The following MYO7B variants were observed in gnomAD, a reference collection of about 807,000 sequenced individuals.
MYO7B encodes myosin VIIB, also known as unconventional myosin-VIIb.
MYO7B carries 212 observed loss-of-function variants against 259.7 expected under a neutral mutation model. That is an observed-to-expected ratio of 0.82 (90% CI 0.73 to 0.91). The LOEUF (loss-of-function observed/expected upper bound fraction) is 0.91, where lower values mean the gene tolerates loss of function less well. Ranked by LOEUF, MYO7B falls within the 40% of genes least tolerant of loss-of-function variation. The pLI is 0.00. For synonymous variants in MYO7B, 1,197 were observed against 1,166.4 expected (o/e 1.03, Z -0.54); for missense variants, 2,732 against 2,813.5 (o/e 0.97, Z 0.66).
intron 1 of MYO7B, among the ~76,000 whole-genome samples, chr2:127,544,709 T>C (rs948368942): frequency 4.6e-5 from 7 of 151,636 alleles, no homozygotes; most frequent in African/African-American, 1.7e-4. Flanking sequence ...GCCTCCCGAG[T>C]AGCTGGGACT....
Position 127,559,594 on chromosome 2 carries a change from C to T in MYO7B, c.-23-106C>T, listed in dbSNP as rs1452501482. The T allele has an allele frequency of 7.0e-6, 7 of 1,006,178 alleles. No homozygotes were observed. Among genetic ancestry groups the T allele is most frequent in the African/African-American group, 1.6e-5 (1 of 62,628 alleles). 62.3% of individuals were successfully genotyped at this position (1,006,178 alleles called of 1,614,324 possible). A position where few individuals can be genotyped will look rare whatever the true frequency, so the allele number is the denominator to read the frequency against. On this transcript the variant is annotated intron_variant, in intron 1 of 47. Transcript: ENST00000409816. This position sits in a 1 kb window ranked among gnomAD's most constrained non-coding sequence, Gnocchi z 4.1. ...CATTGTTTTTGAGCCAGGTCCCATG[C>T]CGGGCACTTAGGGAAGTGTTGGTGA... is the stretch of plus-strand genomic sequence containing the variant.
intron 2 of MYO7B, 145 bp from the exon 3 acceptor site, chr2:127,564,008 G>A (rs1558801396): frequency 1.7e-6 from 1 of 579,112 alleles, no homozygotes; most frequent in Non-Finnish European, 3.1e-6. Context: ...AGAGATGGGA[G>A]AGGGGAGGAG....
chr2:127,636,488 G>A lies in MYO7B; in HGVS notation c.6124-57G>A, dbSNP rs1230017507. On this transcript the variant is annotated intron_variant, in intron 45 of 47. Transcript: ENST00000409816. The surrounding 1 kb of genome is among the most constrained non-coding windows in gnomAD (Gnocchi z 4.5). ...TGCGTGTGGCCTAGATGAGCTCCTG[G>A]GAGGTGCAGCCTGGCCTCCCGGGCT... 3 of 1,540,334 alleles carry A rather than the reference G, an allele frequency of 1.9e-6. No individual in the cohort carries two copies. The highest frequency in any genetic ancestry group is 2.7e-6 in the Non-Finnish European group (3 of 1,128,068).
rs1176061210 is a variant in MYO7B, at chr2:127,626,907, T to C, written c.4216-68T>C. On this transcript the variant is annotated intron_variant, in intron 31 of 47. Transcript: ENST00000409816. The stretch of plus-strand genomic sequence containing the variant: ...GAAGGATCCATCAACTCTTTTACCC[T>C]GAGCACTAGGTGAGGGATTCACTAG... The C allele has an allele frequency of 2.9e-6, 4 of 1,393,040 alleles. No homozygotes were observed. The African/African-American group carries it at 5.7e-5, about 20-fold the overall frequency. The allele number at this position is 1,393,040 out of a possible 1,614,324, so 86.3% of individuals were successfully genotyped here. A position where few individuals can be genotyped will look rare whatever the true frequency, so the allele number is the denominator to read the frequency against.
chr2:127,592,886 C>T lies in MYO7B; in HGVS notation c.2085C>T (p.Tyr695=). 3 of 1,609,440 alleles carry T rather than the reference C, an allele frequency of 1.9e-6. No individual in the cohort carries two copies. Among genetic ancestry groups the T allele is most frequent in the Middle Eastern group, 1.7e-4 (1 of 6,060 alleles). ...GCAAGTCGGGCTTCCCCATCCGCTA[C>T]ACGTTCGAGGAGTTCTCGCAGAGGT... ...HIRKSGFPIR[Y]TFEEFSQRFG... Residue 695 remains tyrosine (Y), a synonymous_variant, in exon 17 of 48, where the codon TAC becomes TAT. Coordinates refer to ENST00000409816, the MANE Select transcript of MYO7B (RefSeq NM_001393586.1).
At chr2:127,556,226 C>T (rs908510329) in intron 1 of MYO7B, among the ~76,000 whole-genome samples, 13 of 152,152 alleles carry the variant, frequency 8.5e-5, no homozygotes, top group Admixed American at 2.6e-4. Flanking sequence ...CTCCTACTCA[C>T]GTTTGGTGTC....
At position 127,636,017 on chromosome 2, in the gene MYO7B, G is replaced by A. The variant is rs1482571887; in HGVS notation, c.6006+110G>A. On this transcript the variant is annotated intron_variant, in intron 44 of 47. Transcript: ENST00000409816. The surrounding 1 kb of genome is among the most constrained non-coding windows in gnomAD (Gnocchi z 4.5). ...AAGATCACATGGGTGCACATGGGTG[G>A]TGTGGAGGGTGGGCTGGCTCTGCAC... 3 of 1,364,408 alleles carry A rather than the reference G, an allele frequency of 2.2e-6. No individual in the cohort carries two copies. The highest frequency in any genetic ancestry group is 2.5e-5 in the East Asian group (1 of 39,832). 84.5% of individuals were successfully genotyped at this position (1,364,408 alleles called of 1,614,324 possible).
At position 127,636,178 on chromosome 2, in the gene MYO7B, C is replaced by G. The variant is rs910544542; in HGVS notation, c.6007-30C>G. 1.9e-6 allele frequency: 3 copies of G among 1,576,212 alleles called. No homozygotes were observed. The highest frequency in any genetic ancestry group is 2.6e-6 in the Non-Finnish European group (3 of 1,148,622). ...GGGCTTTGGAGGGCCTCTGGGCACC[C>G]AAGTCCTTACTGGCCCTCCTGTCCC... On this transcript the variant is annotated intron_variant, in intron 44 of 47. Coordinates refer to ENST00000409816, the MANE Select transcript of MYO7B (RefSeq NM_001393586.1). This position sits in a 1 kb window ranked among gnomAD's most constrained non-coding sequence, Gnocchi z 4.5.
At chr2:127,537,537 A>G (rs1484654571) in intron 1 of MYO7B, among the ~76,000 whole-genome samples, 1 of 152,208 alleles carries the variant, frequency 6.6e-6, no homozygotes, top group Non-Finnish European at 1.5e-5. Context: ...GAAGAGATGA[A>G]GAAGGGTAAA....
chr2:127,631,868 TG>T (rs778582361), intron 38 of MYO7B, 115 bp downstream of exon 38: 214 of 1,341,648 alleles, frequency 1.6e-4, no homozygotes, highest in Non-Finnish European at 1.9e-4. Context: ...AACCCCTGCC[TG>T]GGCTCCTGCC....
At chr2:127,625,611 G>C in intron 31 of MYO7B, 76 bp downstream of exon 31, 1 of 1,394,194 alleles carries the variant, frequency 7.2e-7, no homozygotes, top group Non-Finnish European at 9.4e-7. Context: ...GTATACAGAG[G>C]AGATGGATTC....
Position 127,620,371 on chromosome 2 carries a change from C to G in MYO7B, c.3430C>G (p.Leu1144Val), listed in dbSNP as rs1680784593. The G allele has an allele frequency of 1.2e-6, 2 of 1,612,736 alleles. No homozygotes were observed. The highest frequency in any genetic ancestry group is 1.3e-5 in the African/African-American group (1 of 74,914). Residue 1144 changes from leucine (L) to valine (V), a missense_variant, in exon 27 of 48, where the codon CTC becomes GTC. By Grantham distance (32) the Leu-to-Val change is conservative (BLOSUM62 1). Coordinates refer to ENST00000409816, the MANE Select transcript of MYO7B (RefSeq NM_001393586.1). ...GATTTACTGCCAGATCTGCAAGCAGCTCTCGGAGAACTTCAAAACAAGCAG... is the reference window on the plus strand; with the variant it reads ...GATTTACTGCCAGATCTGCAAGCAGGTCTCGGAGAACTTCAAAACAAGCAG... ...DEIYCQICKQ[L>V]SENFKTSSLA...
rs1304816831 is a variant in MYO7B, at chr2:127,614,245, C to G, written c.3398+1642C>G. Among the ~76,000 whole-genome samples the G allele has an allele frequency of 1.3e-5, 2 of 152,182 alleles. No homozygotes were observed. The highest frequency in any genetic ancestry group is 2.9e-5 in the Non-Finnish European group (2 of 68,038). On this transcript the variant is annotated intron_variant, in intron 26 of 47. Transcript: ENST00000409816. This position sits in a 1 kb window ranked among gnomAD's most constrained non-coding sequence, Gnocchi z 4.6. ...CAGTGATACTGTCCAACACTGATCCCTTGAGACTTCCTACTGACTCTAGGC... is the reference window on the plus strand; with the variant it reads ...CAGTGATACTGTCCAACACTGATCCGTTGAGACTTCCTACTGACTCTAGGC...
In MYO7B at chr2:127,624,215, A is replaced by G; in HGVS notation, c.3942A>G (p.Glu1314=). The change falls in exon 30 of 48, where the codon GAA becomes GAG. Residue 1314 remains glutamate, a synonymous_variant. Coordinates refer to ENST00000409816, the MANE Select transcript of MYO7B (RefSeq NM_001393586.1). ...QSPWRIYFRK[E]FFTPWHDSRE... ...CCTGGCGCATCTACTTCCGGAAGGA[A>G]TTCTTCACCCCCTGGCACGACTCCC... 1 of 1,598,450 alleles carries G rather than the reference A, an allele frequency of 6.3e-7. No homozygotes were observed. Among genetic ancestry groups the G allele is most frequent in the South Asian group, 1.1e-5 (1 of 87,894 alleles).
intron 17 of MYO7B, 48 bp from the exon 18 acceptor site, chr2:127,593,498 G>C: frequency 1.5e-5 from 23 of 1,568,758 alleles, no homozygotes; most frequent in Non-Finnish European, 1.9e-5. Flanking sequence ...GAGCCGCCGA[G>C]GGGTCTCTGC....
At chr2:127,561,366 C>T (rs1056940067) in intron 2 of MYO7B, among the ~76,000 whole-genome samples, 11 of 151,920 alleles carry the variant, frequency 7.2e-5, no homozygotes, top group African/African-American at 2.7e-4. Context: ...TCAAGCAATC[C>T]TCCCACCTCA....
chr2:127,593,968 G>A (rs961292127), intron 18 of MYO7B, among the ~76,000 whole-genome samples: 4 of 152,214 alleles, frequency 2.6e-5, no homozygotes, highest in East Asian at 1.9e-4. Context: ...AGCTCAGGGC[G>A]GTCTGCCGGT....
Position 127,542,595 on chromosome 2 carries a change from C to T in MYO7B, c.-24+6764C>T, listed in dbSNP as rs72843336. 1.0e-2 allele frequency among the ~76,000 whole-genome samples: 1,517 copies of T among 152,264 alleles called. 9 individuals are homozygous for T. The highest frequency in any genetic ancestry group is 0.041 in the Middle Eastern group (12 of 294). ...AAGGATGAAGGGGTGGCCAGCCCCTCCACACCTGTGGGTGCTTCTCGTCAG... is the reference window on the plus strand; with the variant it reads ...AAGGATGAAGGGGTGGCCAGCCCCTTCACACCTGTGGGTGCTTCTCGTCAG... On this transcript the variant is annotated intron_variant, in intron 1 of 47. Coordinates refer to ENST00000409816, the MANE Select transcript of MYO7B (RefSeq NM_001393586.1).
intron 1 of MYO7B, among the ~76,000 whole-genome samples, chr2:127,543,274 T>C (rs1197397109): frequency 6.6e-6 from 1 of 152,152 alleles, no homozygotes; most frequent in African/African-American, 2.4e-5. Context: ...CCCTGGGTAC[T>C]TGAGATTAGA....
Sources: allele counts gnomAD v4.1 joint callset (sites outside exome capture counted in the v4.1 genomes callset), GRCh38; gene constraint gnomAD v4.1.1; non-coding constraint Gnocchi (gnomAD v3.1); transcripts MANE v1.5; gene names NCBI Gene and HGNC (gene_info 2026-07-23, HGNC 2026-07-21).